IGSF22: variants seen among roughly 807,000 people sequenced by gnomAD.
The protein encoded by IGSF22 is immunoglobulin superfamily member 22, also known as immunoglobulin superfamily, member 22.
Under a neutral mutation model 127.0 loss-of-function variants are expected in IGSF22, and 119 were observed. The observed-to-expected ratio is 0.94, with a 90% CI of 0.81 to 1.09. IGSF22 has a LOEUF of 1.09. Ranked by LOEUF, IGSF22 falls within the 50% of genes least tolerant of loss-of-function variation. IGSF22 has a pLI of 0.00. For missense variants in IGSF22, 1,518 were observed against 1,716.6 expected (o/e 0.88, Z 2.04); for synonymous variants, 568 against 664.7 (o/e 0.85, Z 2.24).
chr11:18,726,085 AC>A lies in IGSF22; in HGVS notation c.-46del, dbSNP rs1848648025. On this transcript the variant is annotated 5_prime_UTR_variant, in exon 1 of 23. Transcript: ENST00000513874. ...GAGGGGAGCCTTACCTTCAGCACTG[AC>A]CAGTCCCTCCCAACACTCGAATGCT... is the stretch of plus-strand genomic sequence containing the variant. 1 of 152,290 alleles carries A rather than the reference AC, an allele frequency of 6.6e-6. No individual in the cohort carries two copies. The highest frequency in any genetic ancestry group is 1.9e-4 in the East Asian group (1 of 5,200). 9.4% of individuals were successfully genotyped at this position (152,290 alleles called of 1,614,324 possible).
At chr11:18,725,731 C>T (rs1848642068) in intron 1 of IGSF22, among the ~76,000 whole-genome samples, 2 of 152,214 alleles carry the variant, frequency 1.3e-5, no homozygotes, top group African/African-American at 2.4e-5. Context: ...TGAGCCACCG[C>T]GCCTGGCCCA....
chr11:18,705,928 C>G lies in IGSF22; in HGVS notation c.3799G>C (p.Val1267Leu). The G allele has an allele frequency of 1.3e-6, 2 of 1,551,734 alleles. No homozygotes were observed. Among genetic ancestry groups the G allele is most frequent in the Non-Finnish European group, 1.7e-6 (2 of 1,146,994 alleles). Residue 1267 changes from valine (V) to leucine (L), a missense_variant, in exon 22 of 23, where the codon GTG (valine) becomes CTG (leucine). Val to Leu is a conservative substitution (Grantham distance 32). Coordinates refer to ENST00000513874, the MANE Select transcript of IGSF22 (RefSeq NM_173588.4). ...CAGGTGGGGATGACGAGGGTGCACA[C>G]GCCGCTGGTGGAGTTGTACCAGAAC... ...SKFWYNSTSG[V>L]CTLVIPTCTL...
Position 18,707,054 on chromosome 11 carries a change from T to TCGGCTGC in IGSF22, c.3433_3439dup (p.Glu1147GlyfsTer30). On this transcript the variant is annotated frameshift_variant, in exon 21 of 23. Coordinates refer to ENST00000513874, the MANE Select transcript of IGSF22 (RefSeq NM_173588.4). LOFTEE classifies it high-confidence loss of function. Reference sequence around the variant, plus strand: ...TGTGTACTTGTTGCTGAAGACACGCTCGGCTGCCGTGTACCAGGTGGCTGT... The same window carrying TCGGCTGC: ...TGTGTACTTGTTGCTGAAGACACGCTCGGCTGCCGGCTGCCGTGTACCAGGTGGCTGT... The TCGGCTGC allele has an allele frequency of 6.4e-7, 1 of 1,551,656 alleles. No individual in the cohort carries two copies. Among genetic ancestry groups the TCGGCTGC allele is most frequent in the Non-Finnish European group, 8.7e-7 (1 of 1,146,952 alleles).
In IGSF22 at chr11:18,716,640, G is replaced by A; in HGVS notation, c.1246+88C>T. ...AGGGCTTTGCAAAAAGGAGATGGAT[G>A]GATAGATGGATATATAAATGATGAC... On this transcript the variant is annotated intron_variant, in intron 10 of 22. Coordinates refer to ENST00000513874, the MANE Select transcript of IGSF22 (RefSeq NM_173588.4). The surrounding 1 kb of genome is among the most constrained non-coding windows in gnomAD (Gnocchi z 4.5). The A allele has an allele frequency of 7.3e-7, 1 of 1,362,160 alleles. No homozygotes were observed. Among genetic ancestry groups the A allele is most frequent in the Admixed American group, 1.8e-5 (1 of 55,884 alleles). The allele number at this position is 1,362,160 out of a possible 1,614,324, so 84.4% of individuals were successfully genotyped here.
chr11:18,710,635 C>G lies in IGSF22; in HGVS notation c.2572+20G>C. 3 of 1,605,186 alleles carry G rather than the reference C, an allele frequency of 1.9e-6. No individual in the cohort carries two copies. Among genetic ancestry groups the G allele is most frequent in the Non-Finnish European group, 2.6e-6 (3 of 1,172,774 alleles). On this transcript the variant is annotated intron_variant, in intron 16 of 22. Transcript: ENST00000513874. ...AGACCTCCTTTGGTCACTCCTGGGC[C>G]TCTGTTCCAAGGACCTCACCCTGGA... is the stretch of plus-strand genomic sequence containing the variant.
In IGSF22 at chr11:18,712,309, G is replaced by A; in HGVS notation, c.2171C>T (p.Ala724Val). ...SGSCVHMKWK[A>V]PKDNGGRPVT... ...AGGTCGTCCACCATTGTCCTTTGGG[G>A]CCTTCCACTTCATGTGCACACAACT... The change falls in exon 15 of 23, where the codon GCC becomes GTC. Residue 724 changes from alanine to valine, a missense_variant. Around this residue, in one of 3 missense-constraint regions of IGSF22, gnomAD observed 1,456 missense variants for 1,644.9 expected, o/e 0.89. Coordinates refer to ENST00000513874, the MANE Select transcript of IGSF22 (RefSeq NM_173588.4). 1 of 1,551,712 alleles carries A rather than the reference G, an allele frequency of 6.4e-7. No individual in the cohort carries two copies.
chr11:18,709,680 G>A lies in IGSF22; in HGVS notation c.2705C>T (p.Pro902Leu), dbSNP rs780716715. The A allele has an allele frequency of 5.0e-6, 8 of 1,613,098 alleles. No individual in the cohort carries two copies. The highest frequency in any genetic ancestry group is 1.7e-5 in the Admixed American group (1 of 59,934). Residue 902 changes from proline (P) to leucine (L), a missense_variant, in exon 18 of 23, where the codon CCC (proline) becomes CTC (leucine). Around this residue, in one of 3 missense-constraint regions of IGSF22, gnomAD observed 1,456 missense variants for 1,644.9 expected, o/e 0.89. Coordinates refer to ENST00000513874, the MANE Select transcript of IGSF22 (RefSeq NM_173588.4). This position sits in a 1 kb window ranked among gnomAD's most constrained non-coding sequence, Gnocchi z 4.8. Reference sequence around the variant, plus strand: ...ATGCAGGTCCTGGACCAGGCCTGGGGGTTCTGGGGTAGAACAGACATGTAG... The same window carrying A: ...ATGCAGGTCCTGGACCAGGCCTGGGAGTTCTGGGGTAGAACAGACATGTAG... The part of the protein sequence containing the change: ...SSVVAKDPVK[P>L]PGLVQDLHVS...
rs1268831262 is a variant in IGSF22 at position 18,721,552 on chromosome 11, T to A, written c.361A>T (p.Lys121Ter). The A allele has an allele frequency of 1.1e-5, 18 of 1,614,134 alleles. No individual in the cohort carries two copies. The highest frequency in any genetic ancestry group is 1.4e-5 in the Non-Finnish European group (17 of 1,180,046). ...CCCCGCACCTTCAGCACGTGTTCCT[T>A]GTTAATGCTGTCGTAGAATATCTTG... ...SAKIFYDSIN[K>*]EHVLKLEPLT... The change falls in exon 4 of 23, where the codon AAG (lysine) becomes TAG (stop). Residue 121 changes from lysine to a stop codon, truncating the protein, a stop_gained. Transcript: ENST00000513874. LOFTEE classifies it high-confidence loss of function.
chr11:18,705,165 CCTT>C (rs925329338), intron 22 of IGSF22, among the ~76,000 whole-genome samples: 4 of 152,056 alleles, frequency 2.6e-5, no homozygotes, highest in South Asian at 2.1e-4. Context: ...GAGGGGGAAA[CCTT>C]CTTGGTTTGG....
Position 18,706,991 on chromosome 11 carries a change from C to G in IGSF22, c.3503G>C (p.Arg1168Thr). Residue 1168 changes from arginine to threonine, a missense_variant, in exon 21 of 23, where the codon AGA (arginine) becomes ACA (threonine). This residue lies in a region of IGSF22 where 1,456 missense variants were observed against 1,644.9 expected (regional missense o/e 0.89). Coordinates refer to ENST00000513874, the MANE Select transcript of IGSF22 (RefSeq NM_173588.4). Reference sequence around the variant, plus strand: ...ACCGATTTCATTCCGAGCCACCACTCTGAAGTAGTACTTCCTGCCTGGGAG... The same window carrying G: ...ACCGATTTCATTCCGAGCCACCACTGTGAAGTAGTACTTCCTGCCTGGGAG... ...GLLPGRKYYF[R>T]VVARNEIGDS... 1.3e-6 allele frequency: 2 copies of G among 1,550,368 alleles called. No individual in the cohort carries two copies. Among genetic ancestry groups the G allele is most frequent in the Non-Finnish European group, 1.7e-6 (2 of 1,146,236 alleles).
rs1848314114 is a variant in IGSF22 at position 18,709,633 on chromosome 11, T to G, written c.2752A>C (p.Ser918Arg). 1.2e-6 allele frequency: 2 copies of G among 1,614,174 alleles called. No homozygotes were observed. The highest frequency in any genetic ancestry group is 1.7e-6 in the Non-Finnish European group (2 of 1,180,036). ...DLHVSDSSNSSISLAWREPAE... is the reference protein window; with the variant it reads ...DLHVSDSSNSRISLAWREPAE... The stretch of plus-strand genomic sequence containing the variant: ...GGCTCCCGCCAGGCCAGGGAAATGC[T>G]GGAGTTGGAGGAATCAGATACATGC... The change falls in exon 18 of 23, where the codon AGC (serine) becomes CGC (arginine). Residue 918 changes from serine (S) to arginine (R), a missense_variant. Coordinates refer to ENST00000513874, the MANE Select transcript of IGSF22 (RefSeq NM_173588.4). This position sits in a 1 kb window ranked among gnomAD's most constrained non-coding sequence, Gnocchi z 4.8.
chr11:18,714,206 G>A (rs7106673), intron 13 of IGSF22, 58 bp from the exon 14 acceptor site: 1,191,597 of 1,592,582 alleles, frequency 0.75, 447,741 homozygotes, highest in East Asian at 0.82. Flanking sequence ...CCCATGGGGC[G>A]GGGGAGAAGC....
At chr11:18,713,813 C>T (rs770228650) in intron 14 of IGSF22, 39 bp downstream of exon 14, 1 of 1,504,374 alleles carries the variant, frequency 6.6e-7, no homozygotes, top group South Asian at 1.2e-5. Flanking sequence ...GCAGCAGGTG[C>T]CCTCAGCTCA....
Position 18,709,409 on chromosome 11 carries a change from C to G in IGSF22, c.2976G>C (p.Gly992=). 1 of 1,613,936 alleles carries G rather than the reference C, an allele frequency of 6.2e-7. No homozygotes were observed. Among genetic ancestry groups the G allele is most frequent in the Non-Finnish European group, 8.5e-7 (1 of 1,179,978 alleles). ...CACCTGGTGGTGGCATGGCACGGAC[C>G]CCCTTGTCTAGCTCCACAGGCTCCC... The part of the protein sequence containing the change: ...GVGEPVELDK[G]VRAMPPPAAP... Residue 992 remains glycine, a synonymous_variant, in exon 18 of 23, where the codon GGG becomes GGC. Transcript: ENST00000513874. This position sits in a 1 kb window ranked among gnomAD's most constrained non-coding sequence, Gnocchi z 4.8.
chr11:18,707,054 T>C lies in IGSF22; in HGVS notation c.3440A>G (p.Glu1147Gly), dbSNP rs941634954. 1 of 1,551,656 alleles carries C rather than the reference T, an allele frequency of 6.4e-7. No homozygotes were observed. The highest frequency in any genetic ancestry group is 8.7e-7 in the Non-Finnish European group (1 of 1,146,952). The change falls in exon 21 of 23, where the codon GAG (glutamate) becomes GGG (glycine). Residue 1147 changes from glutamate to glycine, a missense_variant. This residue lies in a region of IGSF22 where 1,456 missense variants were observed against 1,644.9 expected (regional missense o/e 0.89). Transcript: ENST00000513874. ...ASTATWYTAA[E>G]RVFSNKYTVT... The stretch of plus-strand genomic sequence containing the variant: ...TGTGTACTTGTTGCTGAAGACACGC[T>C]CGGCTGCCGTGTACCAGGTGGCTGT...
chr11:18,721,625 G>C lies in IGSF22; in HGVS notation c.288C>G (p.Pro96=). The C allele has an allele frequency of 6.2e-7, 1 of 1,614,258 alleles. No homozygotes were observed. The highest frequency in any genetic ancestry group is 8.5e-7 in the Non-Finnish European group (1 of 1,180,048). Residue 96 remains proline, a synonymous_variant, in exon 4 of 23, where the codon CCC becomes CCG. Coordinates refer to ENST00000513874, the MANE Select transcript of IGSF22 (RefSeq NM_173588.4). ...CGCTCTCCCTCTTCCAGGAGATGTGGGGTTTGGCGTTCCCCTGCACCCGGG... is the reference window on the plus strand; with the variant it reads ...CGCTCTCCCTCTTCCAGGAGATGTGCGGTTTGGCGTTCCCCTGCACCCGGG... The part of the protein sequence containing the change: ...FRARVQGNAK[P]HISWKRESGI...
chr11:18,713,416 G>T (rs968872769), intron 14 of IGSF22, among the ~76,000 whole-genome samples: 1 of 152,170 alleles, frequency 6.6e-6, no homozygotes. Context: ...GACCCCCAAA[G>T]TGCTGGGATT....
intron 4 of IGSF22, 57 bp downstream of exon 4, chr11:18,721,478 C>G: frequency 6.2e-7 from 1 of 1,612,328 alleles, no homozygotes; most frequent in South Asian, 1.1e-5. Flanking sequence ...GCGGCCCGCC[C>G]TGGGGGTCCC....
chr11:18,713,138 T>TTTG (rs1278515462), intron 14 of IGSF22, among the ~76,000 whole-genome samples: 1 of 145,448 alleles, frequency 6.9e-6, no homozygotes, highest in African/African-American at 2.6e-5. Context: ...CCACCTCTTT[T>TTTG]TTGTTGTTGT....
Sources: allele counts gnomAD v4.1 joint callset (sites outside exome capture counted in the v4.1 genomes callset), GRCh38; gene constraint gnomAD v4.1.1; regional missense constraint gnomAD v4.1.1; non-coding constraint Gnocchi (gnomAD v3.1); transcripts MANE v1.5; gene names NCBI Gene and HGNC (gene_info 2026-07-23, HGNC 2026-07-21).